The following FKBP4 variants were observed in gnomAD, a reference collection of about 807,000 sequenced individuals.
FKBP4 encodes FKBP prolyl isomerase 4.
In FKBP4, 28 loss-of-function variants were observed where a neutral mutation model predicts 54.1. The observed-to-expected ratio is 0.52, with a 90% CI of 0.38 to 0.71. The LOEUF is 0.71. Ranked by LOEUF, FKBP4 falls within the 30% of genes least tolerant of loss-of-function variation. The probability of loss-of-function intolerance (pLI) is 0.00; values close to 1 mark genes in which losing one functional copy is unlikely to be tolerated. For missense variants in FKBP4, 493 were observed against 574.4 expected, an observed-to-expected ratio of 0.86 and a Z score of 1.45; for synonymous variants, 223 against 216.1, an observed-to-expected ratio of 1.03 and a Z score of -0.28.
intron 8 of FKBP4, 74 bp downstream of exon 8, chr12:2,800,651 T>C (rs749304428): frequency 1.9e-5 from 27 of 1,441,194 alleles, no homozygotes; most frequent in Non-Finnish European, 2.4e-5. Flanking sequence ...TGTCTGAAAC[T>C]TCCCCTTGGT....
At chr12:2,803,095 A>T in intron 9 of FKBP4, 56 bp from the exon 10 acceptor site, 2 of 1,214,060 alleles carry the variant, frequency 1.6e-6, no homozygotes, top group Non-Finnish European at 2.4e-6. Flanking sequence ...CTGGAAATTA[A>T]GTGTGTGTTT....
intron 2 of FKBP4, 21 bp downstream of exon 2, chr12:2,797,303 G>A (rs1299907168): frequency 6.2e-7 from 1 of 1,613,460 alleles, no homozygotes; most frequent in Non-Finnish European, 8.5e-7. Flanking sequence ...TCAGTGGGCT[G>A]GTAGGATAGG....
intron 7 of FKBP4, 21 bp from the exon 8 acceptor site, chr12:2,800,371 T>G: frequency 1.3e-6 from 2 of 1,596,536 alleles, no homozygotes; most frequent in Non-Finnish European, 1.7e-6. Context: ...GCCAGGTGCC[T>G]GAGCCTCTCT....
At position 2,795,152 on chromosome 12, in the gene FKBP4, G is replaced by A; in HGVS notation, c.13G>A (p.Glu5Lys). MTAEEMKATESGAQS... is the reference protein window; with the variant it reads MTAEKMKATESGAQS... Reference sequence around the variant, plus strand: ...GCGCCGCGCGGAGATGACAGCCGAGGAGATGAAGGCGACCGAGAGCGGGGC... The same window carrying A: ...GCGCCGCGCGGAGATGACAGCCGAGAAGATGAAGGCGACCGAGAGCGGGGC... The change falls in exon 1 of 10, where the codon GAG (glutamate) becomes AAG (lysine). Residue 5 changes from glutamate (E) to lysine (K), a missense_variant. Transcript: ENST00000001008. The surrounding 1 kb of genome is among the most constrained non-coding windows in gnomAD (Gnocchi z 4.3). The A allele has an allele frequency of 1.5e-6, 2 of 1,309,762 alleles. No homozygotes were observed. Among genetic ancestry groups the A allele is most frequent in the Non-Finnish European group, 2.0e-6 (2 of 1,020,414 alleles). 81.1% of individuals were successfully genotyped at this position (1,309,762 alleles called of 1,614,324 possible). A position where few individuals can be genotyped will look rare whatever the true frequency, so the allele number is the denominator to read the frequency against.
At chr12:2,799,296 G>C in intron 5 of FKBP4, 52 bp downstream of exon 5, 1 of 1,456,236 alleles carries the variant, frequency 6.9e-7, no homozygotes, top group Non-Finnish European at 9.1e-7. Context: ...CAAGATCAAA[G>C]ATATAAAATG....
intron 1 of FKBP4, chr12:2,796,295 C>G (rs1304255214): frequency 7.8e-7 from 1 of 1,289,232 alleles, no homozygotes; most frequent in South Asian, 1.2e-5. Flanking sequence ...TCTGCTCCAG[C>G]GGCTCTCCTG....
chr12:2,801,445 C>T (rs1424058940), intron 9 of FKBP4, 89 bp downstream of exon 9: 5 of 1,571,856 alleles, frequency 3.2e-6, no homozygotes, highest in Non-Finnish European at 4.3e-6. Flanking sequence ...TTGTCTGTGC[C>T]AATCCCGGAA....
At chr12:2,796,335 C>T (rs1472549135) in intron 1 of FKBP4, 7 of 1,289,074 alleles carry the variant, frequency 5.4e-6, no homozygotes, top group African/African-American at 1.5e-5. Flanking sequence ...CTCGCTCCAG[C>T]GTCCTGCCGT....
chr12:2,800,721 A>G (rs2097904266), intron 8 of FKBP4, 144 bp downstream of exon 8: 1 of 801,262 alleles, frequency 1.2e-6, no homozygotes, highest in East Asian at 2.7e-5. Context: ...GACCAAAGGC[A>G]CGGATGCAAG....
rs1458088133 is a variant in FKBP4 at position 2,795,404 on chromosome 12, G to T, written c.105+160G>T. Among the ~76,000 whole-genome samples, 1 of 147,640 alleles carries T rather than the reference G, an allele frequency of 6.8e-6. No individual in the cohort carries two copies. The highest frequency in any genetic ancestry group is 2.0e-4 in the East Asian group (1 of 5,088). ...GCCGGTGGCATCGCCGTCCCGGACC[G>T]GGCTGCGTCGTTTAAGGCACCGAGG... On this transcript the variant is annotated intron_variant, in intron 1 of 9. Coordinates refer to ENST00000001008, the MANE Select transcript of FKBP4 (RefSeq NM_002014.4). This position sits in a 1 kb window ranked among gnomAD's most constrained non-coding sequence, Gnocchi z 4.3.
chr12:2,800,309 C>T (rs2097904036), intron 7 of FKBP4, 83 bp from the exon 8 acceptor site: 2 of 1,468,074 alleles, frequency 1.4e-6, no homozygotes, highest in Admixed American at 2.0e-5. Flanking sequence ...CTCTTGTGGC[C>T]ATGTGTCACT....
chr12:2,796,071 C>T (rs2097901657), intron 1 of FKBP4: 5 of 1,187,356 alleles, frequency 4.2e-6, no homozygotes, highest in African/African-American at 1.6e-5. Context: ...TGACCTGGGC[C>T]AGGACAACCT....
chr12:2,801,818 A>G (rs979935342), intron 9 of FKBP4: 3 of 325,508 alleles, frequency 9.2e-6, no homozygotes, highest in Non-Finnish European at 1.8e-5. Context: ...GTTAAATTCA[A>G]ACTGTACCAA....
chr12:2,801,130 A>G lies in FKBP4; in HGVS notation c.1046A>G (p.Asp349Gly), dbSNP rs955192758. 6.2e-7 allele frequency: 1 copy of G among 1,613,742 alleles called. No homozygotes were observed. The highest frequency in any genetic ancestry group is 8.5e-7 in the Non-Finnish European group (1 of 1,179,878). Reference sequence around the variant, plus strand: ...TGCATTCTTTAGGCCCTAGAACTGGACAGCAACAACGAGAAGGGCCTCTTC... The same window carrying G: ...TGCATTCTTTAGGCCCTAGAACTGGGCAGCAACAACGAGAAGGGCCTCTTC... ...IESCNKALEL[D>G]SNNEKGLFRR... The change falls in exon 9 of 10, where the codon GAC (aspartate) becomes GGC (glycine). Residue 349 changes from aspartate to glycine, a missense_variant. Asp to Gly is a moderately conservative substitution (Grantham distance 94). Coordinates refer to ENST00000001008, the MANE Select transcript of FKBP4 (RefSeq NM_002014.4).
At position 2,795,954 on chromosome 12, in the gene FKBP4, G is replaced by A. The variant is rs1459265501; in HGVS notation, c.105+710G>A. Reference sequence around the variant, plus strand: ...CCTCCCCCCTCCGCCGCCTCCCGGAGCCAGGGCTGCGGGGTGTGGGGCGGG... The same window carrying A: ...CCTCCCCCCTCCGCCGCCTCCCGGAACCAGGGCTGCGGGGTGTGGGGCGGG... On this transcript the variant is annotated intron_variant, in intron 1 of 9. Coordinates refer to ENST00000001008, the MANE Select transcript of FKBP4 (RefSeq NM_002014.4). The surrounding 1 kb of genome is among the most constrained non-coding windows in gnomAD (Gnocchi z 4.3). The A allele has an allele frequency of 7.0e-5, 72 of 1,032,584 alleles. No homozygotes were observed. Among genetic ancestry groups the A allele is most frequent in the Non-Finnish European group, 8.2e-5 (70 of 856,776 alleles). 64.0% of individuals were successfully genotyped at this position (1,032,584 alleles called of 1,614,324 possible).
In FKBP4 at chr12:2,795,356, G is replaced by A; in HGVS notation, c.105+112G>A. On this transcript the variant is annotated intron_variant, in intron 1 of 9. Coordinates refer to ENST00000001008, the MANE Select transcript of FKBP4 (RefSeq NM_002014.4). The surrounding 1 kb of genome is among the most constrained non-coding windows in gnomAD (Gnocchi z 4.3). ...ACGGGTCGAGGCGGCCGCCTTTGCA[G>A]CCTCGCGGCCGTCCCGCCGGGGGCC... The A allele has an allele frequency of 3.0e-6, 1 of 334,538 alleles. No individual in the cohort carries two copies. Among genetic ancestry groups the A allele is most frequent in the Non-Finnish European group, 4.5e-6 (1 of 223,956 alleles). 20.7% of individuals were successfully genotyped at this position (334,538 alleles called of 1,614,324 possible). A position where few individuals can be genotyped will look rare whatever the true frequency, so the allele number is the denominator to read the frequency against.
In FKBP4 at chr12:2,800,571, T is replaced by C; in HGVS notation, c.1026T>C (p.Cys342=). 8 of 1,608,770 alleles carry C rather than the reference T, an allele frequency of 5.0e-6. No individual in the cohort carries two copies. Among genetic ancestry groups the C allele is most frequent in the Non-Finnish European group, 6.8e-6 (8 of 1,177,842 alleles). ...LQAFSAAIES[C]NKALELDSNN... The stretch of plus-strand genomic sequence containing the variant: ...CCTTCTCTGCTGCCATTGAAAGCTG[T>C]AACAAGGTGAGGCCCCCTCAGAGGT... Residue 342 remains cysteine (C), a synonymous_variant, in exon 8 of 10, where the codon TGT becomes TGC. Transcript: ENST00000001008.
In FKBP4 at chr12:2,798,928, A is replaced by C. The variant is rs2097903328; in HGVS notation, c.514+102A>C. 6.9e-7 allele frequency: 1 copy of C among 1,453,618 alleles called. No homozygotes were observed. The highest frequency in any genetic ancestry group is 9.5e-7 in the Non-Finnish European group (1 of 1,052,758). 90.0% of individuals were successfully genotyped at this position (1,453,618 alleles called of 1,614,324 possible). On this transcript the variant is annotated intron_variant, in intron 4 of 9. Transcript: ENST00000001008. This position sits in a 1 kb window ranked among gnomAD's most constrained non-coding sequence, Gnocchi z 4.3. Reference sequence around the variant, plus strand: ...GTTCTCCGAGCCTATCTTCTTGTCCATAAAATGAGGGGTTGGACCATATTC... The same window carrying C: ...GTTCTCCGAGCCTATCTTCTTGTCCCTAAAATGAGGGGTTGGACCATATTC...
rs1321881110 is a variant in FKBP4 at position 2,795,025 on chromosome 12, A to G, written c.-115A>G. ...GTGCTCAAGCCTCCTCGCGGTCCGC[A>G]GTCAGTGCCGCCGCGCCCGGCCTCC... On this transcript the variant is annotated 5_prime_UTR_variant, in exon 1 of 10. Coordinates refer to ENST00000001008, the MANE Select transcript of FKBP4 (RefSeq NM_002014.4). This position sits in a 1 kb window ranked among gnomAD's most constrained non-coding sequence, Gnocchi z 4.3. The G allele has an allele frequency of 6.2e-6, 3 of 482,060 alleles. No homozygotes were observed. Among genetic ancestry groups the G allele is most frequent in the Non-Finnish European group, 9.5e-6 (3 of 316,192 alleles). 29.9% of individuals were successfully genotyped at this position (482,060 alleles called of 1,614,324 possible).
Sources: gnomAD v4.1 joint callset for allele counts (sites outside exome capture counted in the v4.1 genomes callset) on GRCh38, gnomAD v4.1.1 for gene constraint, Gnocchi (gnomAD v3.1) non-coding constraint, MANE v1.5 for transcripts, NCBI Gene and HGNC (gene_info 2026-07-23, HGNC 2026-07-21) for gene names.